Variants in UBE2E3 observed in about 807,000 individuals in gnomAD.
UBE2E3 encodes the protein ubiquitin-conjugating enzyme E2 E3.
UBE2E3 carries 5 observed loss-of-function variants against 23.6 expected under a neutral mutation model. The observed-to-expected ratio is 0.21, with a 90% CI of 0.11 to 0.44. UBE2E3 has a LOEUF of 0.44. Ranked by LOEUF, UBE2E3 falls within the 20% of genes least tolerant of loss-of-function variation. The probability of loss-of-function intolerance (pLI) is 0.99; values close to 1 mark genes in which losing one functional copy is unlikely to be tolerated. For missense variants in UBE2E3, 81 were observed against 249.8 expected (o/e 0.32, Z 4.55); for synonymous variants, 78 against 87.5 (o/e 0.89, Z 0.60).
At chr2:181,021,413 C>T (rs568282679) in intron 3 of UBE2E3, among the ~76,000 whole-genome samples, 30 of 146,006 alleles carry the variant, frequency 2.1e-4, no homozygotes, top group Admixed American at 6.8e-4. Context: ...TTTCCCCTCC[C>T]TCCCTCCCTT....
At chr2:181,041,234 C>CAAAAAAAGAAAAAA (rs1686490229) in intron 3 of UBE2E3, among the ~76,000 whole-genome samples, 1 of 77,196 alleles carries the variant, frequency 1.3e-5, no homozygotes, top group South Asian at 5.2e-4. Context: ...GACTCCGTCT[C>CAAAAAAAGAAAAAA]AAAAAAAAAA....
intron 3 of UBE2E3, among the ~76,000 whole-genome samples, chr2:181,024,581 G>T (rs1685818616): frequency 6.6e-6 from 1 of 152,028 alleles, no homozygotes; most frequent in Non-Finnish European, 1.5e-5. Context: ...TTATTAAGAT[G>T]TAATGGTGAT....
chr2:181,007,191 C>G (rs147595281), intron 3 of UBE2E3, among the ~76,000 whole-genome samples: 22 of 152,260 alleles, frequency 1.4e-4, no homozygotes, highest in South Asian at 8.3e-4. Context: ...TAAATCAGAT[C>G]TTAATGCCCA....
chr2:180,990,348 A>G (rs1684619074), intron 3 of UBE2E3, among the ~76,000 whole-genome samples: 1 of 152,220 alleles, frequency 6.6e-6, no homozygotes, highest in South Asian at 2.1e-4. Context: ...CAAAATGTCT[A>G]GTGCTGAAGT....
intron 3 of UBE2E3, among the ~76,000 whole-genome samples, chr2:180,990,559 A>G (rs983416540): frequency 1.3e-5 from 2 of 152,072 alleles, no homozygotes; most frequent in African/African-American, 4.8e-5. Context: ...CGTGTGTGTT[A>G]TTTTTTATGT....
intron 3 of UBE2E3, among the ~76,000 whole-genome samples, chr2:181,022,172 T>C (rs984595474): frequency 6.6e-6 from 1 of 152,222 alleles, no homozygotes; most frequent in Admixed American, 6.5e-5. Context: ...ACTATAAGTT[T>C]AGGAGTCAGA....
At chr2:181,022,453 T>A (rs1328955544) in intron 3 of UBE2E3, among the ~76,000 whole-genome samples, 1 of 152,104 alleles carries the variant, frequency 6.6e-6, no homozygotes, top group African/African-American at 2.4e-5. Context: ...TTATGTAAAT[T>A]AATACATAAC....
At chr2:181,037,113 G>T (rs1156655447) in intron 3 of UBE2E3, among the ~76,000 whole-genome samples, 1 of 152,130 alleles carries the variant, frequency 6.6e-6, no homozygotes, top group African/African-American at 2.4e-5. Context: ...CCTAATTGAG[G>T]TTGTAGTCAT....
intron 3 of UBE2E3, among the ~76,000 whole-genome samples, chr2:181,000,204 C>A (rs1684949830): frequency 6.6e-6 from 1 of 152,104 alleles, no homozygotes; most frequent in Non-Finnish European, 1.5e-5. Context: ...AAAACAAACA[C>A]CTCTTTAAAA....
In UBE2E3 at chr2:181,033,790, G is replaced by A. The variant is rs556276642; in HGVS notation, c.246-23903G>A. Among the ~76,000 whole-genome samples, 9 of 152,184 alleles carry A rather than the reference G, an allele frequency of 5.9e-5. No individual in the cohort carries two copies. In the South Asian group the frequency reaches 1.9e-3, roughly 32 times the overall value. ...TTTTGCAAGCTACCCATCTGACAAA[G>A]GGCTAATACCCAGAATCTACAAAGA... On this transcript the variant is annotated intron_variant, in intron 3 of 5. Transcript: ENST00000410062.
At chr2:181,046,165 A>G (rs1336296276) in intron 3 of UBE2E3, among the ~76,000 whole-genome samples, 3 of 152,236 alleles carry the variant, frequency 2.0e-5, no homozygotes, top group East Asian at 3.9e-4. Flanking sequence ...AGTGCCAGCT[A>G]TAGTATGAAG....
chr2:181,043,934 G>C (rs1162119346), intron 3 of UBE2E3, among the ~76,000 whole-genome samples: 1 of 152,114 alleles, frequency 6.6e-6, no homozygotes, highest in Non-Finnish European at 1.5e-5. Context: ...GGACATTTAA[G>C]TTATTTTGAG....
At chr2:181,053,886 A>T (rs937428340) in intron 3 of UBE2E3, among the ~76,000 whole-genome samples, 4 of 151,768 alleles carry the variant, frequency 2.6e-5, no homozygotes, top group African/African-American at 9.7e-5. Flanking sequence ...GCAACCACTG[A>T]TATTTTTACT....
chr2:181,040,132 A>T (rs1489864154), intron 3 of UBE2E3, among the ~76,000 whole-genome samples: 2 of 152,188 alleles, frequency 1.3e-5, no homozygotes, highest in Non-Finnish European at 2.9e-5. Flanking sequence ...CATTCCTAAA[A>T]ATTTATATAC....
chr2:181,033,787 A>G (rs1361116449), intron 3 of UBE2E3, among the ~76,000 whole-genome samples: 1 of 152,226 alleles, frequency 6.6e-6, no homozygotes, highest in African/African-American at 2.4e-5. Flanking sequence ...CCCATCTGAC[A>G]AAGGGCTAAT....
chr2:180,982,253 G>C lies in UBE2E3; in HGVS notation c.194+17G>C, dbSNP rs760000473. ...TGCTAAAAGGTAATGTGTAAAAGAAGGATCCAGCACACTTTGTCAGGTTGT... is the reference window on the plus strand; with the variant it reads ...TGCTAAAAGGTAATGTGTAAAAGAACGATCCAGCACACTTTGTCAGGTTGT... On this transcript the variant is annotated intron_variant, in intron 2 of 5. Coordinates refer to ENST00000410062, the MANE Select transcript of UBE2E3 (RefSeq NM_006357.4). The C allele has an allele frequency of 6.2e-7, 1 of 1,608,112 alleles. No individual in the cohort carries two copies. The highest frequency in any genetic ancestry group is 8.5e-7 in the Non-Finnish European group (1 of 1,176,792).
intron 3 of UBE2E3, among the ~76,000 whole-genome samples, chr2:181,009,487 A>G (rs913322740): frequency 1.3e-5 from 2 of 152,084 alleles, no homozygotes; most frequent in African/African-American, 4.8e-5. Context: ...TACTCCTACC[A>G]TAATGGTGTA....
At chr2:181,017,149 C>G (rs1322595490) in intron 3 of UBE2E3, among the ~76,000 whole-genome samples, 3 of 152,156 alleles carry the variant, frequency 2.0e-5, no homozygotes, top group Non-Finnish European at 4.4e-5. Flanking sequence ...ATAGAACATT[C>G]CCTGAGAGTG....
chr2:181,027,388 T>G (rs577966256), intron 3 of UBE2E3, among the ~76,000 whole-genome samples: 74 of 151,998 alleles, frequency 4.9e-4, no homozygotes, highest in South Asian at 8.3e-4. Flanking sequence ...TTGTTTTAAA[T>G]GAGAGACATA....
Sources: allele counts gnomAD v4.1 joint callset (sites outside exome capture counted in the v4.1 genomes callset), GRCh38; gene constraint gnomAD v4.1.1; transcripts MANE v1.5; gene names NCBI Gene and HGNC (gene_info 2026-07-23, HGNC 2026-07-21).